Variants in MYO6 observed in about 807,000 individuals in gnomAD.
The protein encoded by MYO6 is myosin VI.
In MYO6, 74 loss-of-function variants were observed where a neutral mutation model predicts 178.7. The observed-to-expected ratio is 0.41, with a 90% CI of 0.34 to 0.50. The LOEUF (loss-of-function observed/expected upper bound fraction) is 0.50, where lower values mean the gene tolerates loss of function less well. Among genes scored for constraint, MYO6 ranks in the 20% least tolerant of loss-of-function variants. The pLI, the probability that MYO6 is intolerant of heterozygous loss-of-function variation, is 0.09. For synonymous variants in MYO6, 477 were observed against 504.6 expected (o/e 0.95, Z 0.73); for missense variants, 1,330 against 1,547.4 (o/e 0.86, Z 2.36).
intron 1 of MYO6, among the ~76,000 whole-genome samples, chr6:75,788,383 C>G (rs565478846): frequency 6.6e-5 from 10 of 152,062 alleles, no homozygotes; most frequent in Non-Finnish European, 1.2e-4. Context: ...AAAAGTCATT[C>G]CAGAACCACG....
intron 4 of MYO6, among the ~76,000 whole-genome samples, 170 bp downstream of exon 4, chr6:75,828,783 G>A (rs1042495391): frequency 3.9e-5 from 6 of 152,066 alleles, no homozygotes; most frequent in Non-Finnish European, 5.9e-5. Context: ...TTTACAACTC[G>A]AACTCTAGGA....
At chr6:75,842,177 G>A (rs765884862) in intron 9 of MYO6, among the ~76,000 whole-genome samples, 1 of 150,974 alleles carries the variant, frequency 6.6e-6, no homozygotes, top group African/African-American at 2.4e-5. Flanking sequence ...CTTAGATGTG[G>A]TGGGAAACGC....
chr6:75,886,766 T>G, intron 24 of MYO6, 78 bp from the exon 25 acceptor site: 1 of 1,366,454 alleles, frequency 7.3e-7, no homozygotes, highest in South Asian at 1.2e-5. Flanking sequence ...AATACCCTGT[T>G]TAGCATTTTA....
chr6:75,774,814 A>T (rs1190176222), intron 1 of MYO6, among the ~76,000 whole-genome samples: 1 of 150,444 alleles, frequency 6.6e-6, no homozygotes, highest in African/African-American at 2.4e-5. Context: ...TTTTTTTTTG[A>T]CGGAGTCTCA....
At chr6:75,889,577 T>G (rs1308310774) in intron 25 of MYO6, among the ~76,000 whole-genome samples, 1 of 152,084 alleles carries the variant, frequency 6.6e-6, no homozygotes, top group Non-Finnish European at 1.5e-5. Context: ...CCAGCTAATT[T>G]TTGTATTTTA....
In MYO6 at chr6:75,793,153, C is replaced by T. The variant is rs528460917; in HGVS notation, c.-47-24348C>T. On this transcript the variant is annotated intron_variant, in intron 1 of 34. Transcript: ENST00000369977. The stretch of plus-strand genomic sequence containing the variant: ...TACCCTGGGATTAGTCCTGTTTCCC[C>T]TTAGGGAAAATATTTCCAATTTTAT... Among the ~76,000 whole-genome samples the T allele has an allele frequency of 1.6e-4, 24 of 152,168 alleles. No homozygotes were observed. The South Asian group carries it at 4.1e-3, about 26-fold the overall frequency.
intron 1 of MYO6, among the ~76,000 whole-genome samples, chr6:75,772,368 G>A (rs1346090418): frequency 4.6e-5 from 7 of 151,894 alleles, no homozygotes; most frequent in South Asian, 4.2e-4. Flanking sequence ...CTTCTCATTC[G>A]CATAGATAAT....
At chr6:75,897,570 C>T (rs1242022302) in intron 29 of MYO6, among the ~76,000 whole-genome samples, 1 of 152,150 alleles carries the variant, frequency 6.6e-6, no homozygotes, top group African/African-American at 2.4e-5. Context: ...CAAATACACC[C>T]ATCTTCTTTT....
At chr6:75,842,023 A>C (rs971186391) in intron 9 of MYO6, among the ~76,000 whole-genome samples, 1 of 152,222 alleles carries the variant, frequency 6.6e-6, no homozygotes. Context: ...AAATGTTTGA[A>C]CACTAAATTA....
intron 10 of MYO6, among the ~76,000 whole-genome samples, chr6:75,847,605 T>C (rs1025125105): frequency 6.6e-6 from 1 of 152,060 alleles, no homozygotes; most frequent in Admixed American, 6.6e-5. Context: ...TTTCTTCTCA[T>C]TTTTTCTGAA....
At chr6:75,892,796 G>A (rs146253283) in intron 28 of MYO6, 106 bp downstream of exon 28, 1 of 1,179,980 alleles carries the variant, frequency 8.5e-7, no homozygotes, top group African/African-American at 1.5e-5. Context: ...ATATTCTGAA[G>A]GCCCTGATAT....
At chr6:75,858,111 CACAT>C (rs1305727776) in intron 13 of MYO6, among the ~76,000 whole-genome samples, 1 of 151,770 alleles carries the variant, frequency 6.6e-6, no homozygotes, top group Non-Finnish European at 1.5e-5. Flanking sequence ...TTTAGCATAA[CACAT>C]ACAAAGGATT....
At chr6:75,820,423 G>A (rs1771752311) in intron 2 of MYO6, among the ~76,000 whole-genome samples, 1 of 152,174 alleles carries the variant, frequency 6.6e-6, no homozygotes, top group African/African-American at 2.4e-5. Context: ...AGGCTGGAGT[G>A]CAGTGGCATA....
At chr6:75,904,436 C>T (rs1196501915) in intron 30 of MYO6, among the ~76,000 whole-genome samples, 1 of 151,598 alleles carries the variant, frequency 6.6e-6, no homozygotes, top group Non-Finnish European at 1.5e-5. Context: ...TCTTTTTATT[C>T]TTTTTTCTCT....
intron 1 of MYO6, among the ~76,000 whole-genome samples, chr6:75,756,924 C>A (rs1046710838): frequency 1.5e-5 from 2 of 136,384 alleles, no homozygotes; most frequent in East Asian, 2.2e-4. Flanking sequence ...CATATATATA[C>A]ACACCATATA....
At chr6:75,896,232 G>A (rs1779292248) in intron 29 of MYO6, among the ~76,000 whole-genome samples, 1 of 152,108 alleles carries the variant, frequency 6.6e-6, no homozygotes, top group South Asian at 2.1e-4. Flanking sequence ...AATAAATGAT[G>A]CAACCTATGT....
At chr6:75,880,515 T>A (rs571765947) in intron 22 of MYO6, among the ~76,000 whole-genome samples, 33 of 152,250 alleles carry the variant, frequency 2.2e-4, no homozygotes, top group African/African-American at 7.9e-4. Flanking sequence ...TCATAATGTT[T>A]TAAGAAAGTT....
At chr6:75,749,631 A>G (rs1776670920) in intron 1 of MYO6, among the ~76,000 whole-genome samples, 1 of 152,128 alleles carries the variant, frequency 6.6e-6, no homozygotes, top group Non-Finnish European at 1.5e-5. Flanking sequence ...CCGAAAGACA[A>G]TCAGTCTCCT....
chr6:75,843,061 C>T (rs138368898), intron 9 of MYO6, among the ~76,000 whole-genome samples: 1 of 152,296 alleles, frequency 6.6e-6, no homozygotes, highest in Non-Finnish European at 1.5e-5. Context: ...ATATTCCTCT[C>T]ATATGCAGGC....
Sources: gnomAD v4.1 joint callset for allele counts (sites outside exome capture counted in the v4.1 genomes callset) on GRCh38, gnomAD v4.1.1 for gene constraint, MANE v1.5 for transcripts, NCBI Gene and HGNC (gene_info 2026-07-23, HGNC 2026-07-21) for gene names.